Variants in ZNHIT3 observed in about 807,000 individuals in gnomAD.
ZNHIT3 encodes zinc finger HIT domain-containing protein 3.
Under a neutral mutation model 19.9 loss-of-function variants are expected in ZNHIT3, and 27 were observed. The ratio of observed to expected loss-of-function variants is 1.36; its 90% CI spans 1.00 to 1.87. The LOEUF is 1.87. ZNHIT3 is among the 40% of genes most tolerant of loss of function. The probability of loss-of-function intolerance (pLI) is 0.00; values close to 1 mark genes in which losing one functional copy is unlikely to be tolerated. For synonymous variants in ZNHIT3, 81 were observed against 65.7 expected, an observed-to-expected ratio of 1.23 and a Z score of -1.13; for missense variants, 215 against 185.6, an observed-to-expected ratio of 1.16 and a Z score of -0.92.
At chr17:36,488,093 C>CA (rs369196891) in intron 2 of ZNHIT3, among the ~76,000 whole-genome samples, 867 of 84,634 alleles carry the variant, frequency 0.01, 8 homozygotes, top group Middle Eastern at 0.049. Context: ...AAGACTGTCT[C>CA]AAAAAAAAAA....
chr17:36,496,349 C>G, downstream of ZNHIT3: 1 of 1,613,952 alleles, frequency 6.2e-7, no homozygotes. Flanking sequence ...GGTGAAGGTT[C>G]AGGGCAGATG....
At chr17:36,487,066 T>C (rs2070580051) in intron 2 of ZNHIT3, 100 bp downstream of exon 2, 6 of 1,503,062 alleles carry the variant, frequency 4.0e-6, no homozygotes, top group Non-Finnish European at 4.5e-6. Flanking sequence ...TGCGCTTCCT[T>C]TCCCGCCTCG....
rs913647505 is a variant in ZNHIT3, at chr17:36,487,409, A to G, written c.118+443A>G. On this transcript the variant is annotated intron_variant, in intron 2 of 4. Coordinates refer to ENST00000617429, the MANE Select transcript of ZNHIT3 (RefSeq NM_004773.4). ...TAGAAACAAAGAGGTAAGTCCATGT[A>G]CAATACAAGGAGACGTCCTTGATTT... 2.0e-5 allele frequency among the ~76,000 whole-genome samples: 3 copies of G among 152,256 alleles called. No individual in the cohort carries two copies. The East Asian group carries it at 5.8e-4, about 29-fold the overall frequency.
At position 36,494,026 on chromosome 17, in the gene ZNHIT3, G is replaced by A. The variant is rs1466842209; in HGVS notation, c.286+20G>A. 1.3e-6 allele frequency: 2 copies of A among 1,566,240 alleles called. No homozygotes were observed. Among genetic ancestry groups the A allele is most frequent in the Non-Finnish European group, 8.8e-7 (1 of 1,138,612 alleles). On this transcript the variant is annotated intron_variant, in intron 4 of 4. Coordinates refer to ENST00000617429, the MANE Select transcript of ZNHIT3 (RefSeq NM_004773.4). ...ATTTAGGTAAGTCTGTGCTATGCTT[G>A]TCAATCGTTGAGATACATTTACTGT...
chr17:36,491,719 G>A (rs1205118873), intron 2 of ZNHIT3: 2 of 151,880 alleles, frequency 1.3e-5, no homozygotes, highest in African/African-American at 2.4e-5. Context: ...ACATCCAACT[G>A]TTTAGCTCCA....
chr17:36,486,906 G>A, intron 1 of ZNHIT3, 29 bp from the exon 2 acceptor site: 1 of 1,603,236 alleles, frequency 6.2e-7, no homozygotes. Context: ...CCTCGGGGCT[G>A]ACGCGGCCTG....
intron 2 of ZNHIT3, among the ~76,000 whole-genome samples, chr17:36,487,219 C>G (rs747916727): frequency 1.3e-5 from 2 of 152,138 alleles, no homozygotes; most frequent in Non-Finnish European, 2.9e-5. Flanking sequence ...CCCGCTTCTC[C>G]TTCTGCGTGT....
At chr17:36,496,486 A>G (rs2070988290), downstream of ZNHIT3, 39 of 1,396,470 alleles carry the variant, frequency 2.8e-5, no homozygotes, top group Non-Finnish European at 3.8e-5. Context: ...AGCAGACGCT[A>G]AAAATGCAAG....
downstream of ZNHIT3, among the ~76,000 whole-genome samples, chr17:36,496,616 TCA>T (rs1203837112): frequency 2.0e-5 from 3 of 152,188 alleles, no homozygotes; most frequent in South Asian, 6.2e-4. Context: ...GGAATGTCTG[TCA>T]CATTCCTATG....
downstream of ZNHIT3, chr17:36,496,016 C>CA: frequency 1.3e-6 from 1 of 794,532 alleles, no homozygotes; most frequent in East Asian, 2.8e-5. Context: ...CCTGATGTTT[C>CA]TTAACCCTGA....
At chr17:36,490,023 C>T (rs2070692166) in intron 2 of ZNHIT3, 2 of 133,404 alleles carry the variant, frequency 1.5e-5, no homozygotes, top group Admixed American at 8.5e-5. Context: ...CAAATATTTT[C>T]TCCCATCCTG....
rs2070893671 is a variant in ZNHIT3 at position 36,495,519 on chromosome 17, G to A, written c.*115G>A. ...GAGCTCAGGCAAAAGAGGTTTCCAGGATGCAGATTAGGTCATGCAGGCCTT... is the reference window on the plus strand; with the variant it reads ...GAGCTCAGGCAAAAGAGGTTTCCAGAATGCAGATTAGGTCATGCAGGCCTT... On this transcript the variant is annotated 3_prime_UTR_variant, in exon 5 of 5. Coordinates refer to ENST00000617429, the MANE Select transcript of ZNHIT3 (RefSeq NM_004773.4). The A allele has an allele frequency of 2.2e-6, 3 of 1,389,488 alleles. No homozygotes were observed. The highest frequency in any genetic ancestry group is 2.8e-6 in the Non-Finnish European group (3 of 1,075,098). The allele number at this position is 1,389,488 out of a possible 1,614,324, so 86.1% of individuals were successfully genotyped here. A position where few individuals can be genotyped will look rare whatever the true frequency, so the allele number is the denominator to read the frequency against.
chr17:36,498,776 C>T (rs1241493115), downstream of ZNHIT3: 5 of 603,294 alleles, frequency 8.3e-6, no homozygotes, highest in Admixed American at 3.0e-5. Flanking sequence ...TACTTGAAAA[C>T]AAGATAAGAG....
In ZNHIT3 at chr17:36,495,769, CATAAT is replaced by C; in HGVS notation, c.*366_*370del. ...TGATTCTACTGTACATTGCATTATT[CATAAT>C]TTAATTGTTTGAAATTACATTAAAT... is the stretch of plus-strand genomic sequence containing the variant. On this transcript the variant is annotated 3_prime_UTR_variant, in exon 5 of 5. Transcript: ENST00000617429. The C allele has an allele frequency of 1.6e-6, 2 of 1,240,320 alleles. No individual in the cohort carries two copies. The highest frequency in any genetic ancestry group is 2.0e-6 in the Non-Finnish European group (2 of 992,710). 76.8% of individuals were successfully genotyped at this position (1,240,320 alleles called of 1,614,324 possible). A position where few individuals can be genotyped will look rare whatever the true frequency, so the allele number is the denominator to read the frequency against.
At chr17:36,494,867 T>C (rs1331251212) in intron 4 of ZNHIT3, among the ~76,000 whole-genome samples, 1 of 152,232 alleles carries the variant, frequency 6.6e-6, no homozygotes, top group Admixed American at 6.5e-5. Flanking sequence ...CTATTTGCTT[T>C]GTGATTGTGC....
chr17:36,486,897 C>T (rs1442942421), intron 1 of ZNHIT3, 38 bp from the exon 2 acceptor site: 1 of 1,598,252 alleles, frequency 6.3e-7, no homozygotes. Flanking sequence ...GCCGGGGACC[C>T]TCGGGGCTGA....
chr17:36,487,826 G>A (rs1348950118), intron 2 of ZNHIT3, among the ~76,000 whole-genome samples: 2 of 151,476 alleles, frequency 1.3e-5, no homozygotes, highest in African/African-American at 2.4e-5. Flanking sequence ...GATGTAGGTG[G>A]GGCGCGGTGG....
downstream of ZNHIT3, chr17:36,497,615 C>T (rs1035065505): frequency 2.3e-5 from 20 of 881,152 alleles, no homozygotes; most frequent in African/African-American, 2.5e-4. Flanking sequence ...GATGGACTCT[C>T]GTCCTGTCAC....
intron 3 of ZNHIT3, 109 bp from the exon 4 acceptor site, chr17:36,493,817 A>G (rs1293714146): frequency 4.0e-6 from 3 of 749,034 alleles, no homozygotes; most frequent in East Asian, 2.5e-5. Flanking sequence ...TACCCCTATC[A>G]CTATCACATG....
Sources: allele counts gnomAD v4.1 joint callset (sites outside exome capture counted in the v4.1 genomes callset), GRCh38; gene constraint gnomAD v4.1.1; transcripts MANE v1.5; gene names NCBI Gene and HGNC (gene_info 2026-07-23, HGNC 2026-07-21).